The following HMCN2 variants were observed in gnomAD, a reference collection of about 807,000 sequenced individuals.
HMCN2 encodes hemicentin 2, also known as hemicentin-2.
A neutral mutation model predicts 377.5 loss-of-function variants in HMCN2; 325 were observed. The observed-to-expected ratio is 0.86, with a 90% CI of 0.79 to 0.94. The LOEUF (loss-of-function observed/expected upper bound fraction) is 0.94, where lower values mean the gene tolerates loss of function less well. HMCN2 is among the 40% of genes least tolerant of loss of function. The probability of loss-of-function intolerance (pLI) is 0.00; values close to 1 mark genes in which losing one functional copy is unlikely to be tolerated. For synonymous variants in HMCN2, 2,007 were observed against 2,046.8 expected, an observed-to-expected ratio of 0.98 and a Z score of 0.53; for missense variants, 4,543 against 4,725.3, an observed-to-expected ratio of 0.96 and a Z score of 1.13.
At chr9:130,419,933 G>A (rs1843899669) in intron 86 of HMCN2, among the ~76,000 whole-genome samples, 1 of 152,164 alleles carries the variant, frequency 6.6e-6, no homozygotes, top group Non-Finnish European at 1.5e-5. Flanking sequence ...TCTCCCACAG[G>A]CCGGGGCAGG....
intron 4 of HMCN2, among the ~76,000 whole-genome samples, chr9:130,287,589 C>T (rs1835487491): frequency 6.8e-6 from 1 of 147,216 alleles, no homozygotes; most frequent in Non-Finnish European, 1.5e-5. Context: ...GATTAGGTCT[C>T]CTTGTGTGCC....
At chr9:130,364,625 G>C (rs1192338765) in intron 40 of HMCN2, 89 bp from the exon 41 acceptor site, 1 of 656,250 alleles carries the variant, frequency 1.5e-6, no homozygotes, top group Non-Finnish European at 1.9e-6. Context: ...TGGCTGCTGC[G>C]AGTAGCTAGG....
intron 85 of HMCN2, among the ~76,000 whole-genome samples, chr9:130,411,950 TG>T (rs55972322): frequency 0.18 from 21,653 of 120,944 alleles, 1,941 homozygotes; most frequent in East Asian, 0.5. Flanking sequence ...TTTTATGTAA[TG>T]TATTTTTTTT....
chr9:130,433,525 C>T lies in HMCN2; in HGVS notation c.15072C>T (p.Asp5024=), dbSNP rs1261255204. 2 of 1,472,888 alleles carry T rather than the reference C, an allele frequency of 1.4e-6. No individual in the cohort carries two copies. Among genetic ancestry groups the T allele is most frequent in the African/African-American group, 1.5e-5 (1 of 67,526 alleles). The allele number at this position is 1,472,888 out of a possible 1,614,324, so 91.2% of individuals were successfully genotyped here. A position where few individuals can be genotyped will look rare whatever the true frequency, so the allele number is the denominator to read the frequency against. ...CCGAGCTCAGCATGCTGGAGCCCGACCCCCGCAGCCCCTTCGCGCTGCGTC... is the reference window on the plus strand; with the variant it reads ...CCGAGCTCAGCATGCTGGAGCCCGATCCCCGCAGCCCCTTCGCGCTGCGTC... ...NRTELSMLEP[D]PRSPFALRPL... Residue 5024 remains aspartate (D), a synonymous_variant, in exon 98 of 98, where the codon GAC becomes GAT. Coordinates refer to ENST00000683500, the MANE Select transcript of HMCN2 (RefSeq NM_001291815.2).
chr9:130,419,772 C>T (rs2131789891), intron 86 of HMCN2, among the ~76,000 whole-genome samples: 1 of 151,748 alleles, frequency 6.6e-6, no homozygotes, highest in African/African-American at 2.4e-5. Flanking sequence ...TCTATCACCA[C>T]ATGCGTTGGC....
In HMCN2 at chr9:130,422,607, C is replaced by T. The variant is rs1011216246; in HGVS notation, c.13262C>T (p.Thr4421Ile). The T allele has an allele frequency of 1.5e-6, 2 of 1,330,416 alleles. No individual in the cohort carries two copies. Among genetic ancestry groups the T allele is most frequent in the Non-Finnish European group, 1.9e-6 (2 of 1,034,372 alleles). 82.4% of individuals were successfully genotyped at this position (1,330,416 alleles called of 1,614,324 possible). Residue 4421 changes from threonine to isoleucine, a missense_variant, in exon 87 of 98, where the codon ACT (threonine) becomes ATT (isoleucine). Thr to Ile is a moderately conservative substitution (Grantham distance 89). Transcript: ENST00000683500. This position sits in a 1 kb window ranked among gnomAD's most constrained non-coding sequence, Gnocchi z 4.2. ...CCCCAGGGGAGCTGGGGCAGCATGA[C>T]TGGGGTGATAAATGGCCGGAAATTT... ...GEPQGSWGSM[T>I]GVINGRKFGV...
At chr9:130,403,368 G>C in intron 79 of HMCN2, 40 bp downstream of exon 79, 1 of 1,288,194 alleles carries the variant, frequency 7.8e-7, no homozygotes, top group South Asian at 1.2e-5. Context: ...GGGAAGAGAA[G>C]AGCGTGGGTC....
chr9:130,388,400 T>A lies in HMCN2; in HGVS notation c.9392-9T>A, dbSNP rs1717539421. The A allele has an allele frequency of 1.0e-6, 1 of 987,850 alleles. No homozygotes were observed. The highest frequency in any genetic ancestry group is 1.2e-6 in the Non-Finnish European group (1 of 830,084). 61.2% of individuals were successfully genotyped at this position (987,850 alleles called of 1,614,324 possible). ...TCAGAATTCTGACAGTCTGGCTTTC[T>A]TCCTGCAGTGCCCCCAACATTTGAG... On this transcript the variant is annotated splice_polypyrimidine_tract_variant and intron_variant, in intron 61 of 97. Coordinates refer to ENST00000683500, the MANE Select transcript of HMCN2 (RefSeq NM_001291815.2).
rs576103948 is a variant in HMCN2 at position 130,302,859 on chromosome 9, G to A, written c.1279G>A (p.Ala427Thr). The A allele has an allele frequency of 2.6e-5, 12 of 462,504 alleles. No homozygotes were observed. The highest frequency in any genetic ancestry group is 3.6e-5 in the Non-Finnish European group (8 of 222,264). The allele number at this position is 462,504 out of a possible 1,614,324, so 28.7% of individuals were successfully genotyped here. A position where few individuals can be genotyped will look rare whatever the true frequency, so the allele number is the denominator to read the frequency against. ...TGAGTCCTGGTCCCCGCCTACAGGC[G>A]CTCCCCTCGTCAGCATGGCCCCCAG... is the stretch of plus-strand genomic sequence containing the variant. Reference protein sequence around the residue: ...GVSYSGVAPGAPLVSMAPRIH... With the variant: ...GVSYSGVAPGTPLVSMAPRIH... Residue 427 changes from alanine (A) to threonine (T), a missense_variant and splice_region_variant, in exon 9 of 98, where the codon GCT (alanine) becomes ACT (threonine). Ala to Thr is a moderately conservative substitution (Grantham distance 58). Coordinates refer to ENST00000683500, the MANE Select transcript of HMCN2 (RefSeq NM_001291815.2).
chr9:130,372,380 CGGAGGAACTTCAG>C lies in HMCN2; in HGVS notation c.7325_7337del (p.Arg2442LeufsTer18). ...GGCAAGCAACGAGGCTGGGGAGGCA[CGGAGGAACTTCAG>C]TGTGGAGGTGCTGGGTGCGTTACAA... On this transcript the variant is annotated frameshift_variant, in exon 47 of 98. Coordinates refer to ENST00000683500, the MANE Select transcript of HMCN2 (RefSeq NM_001291815.2). LOFTEE classifies it high-confidence loss of function. The C allele has an allele frequency of 1.6e-5, 16 of 985,768 alleles. No individual in the cohort carries two copies. Among genetic ancestry groups the C allele is most frequent in the Non-Finnish European group, 1.9e-5 (16 of 829,910 alleles). The allele number at this position is 985,768 out of a possible 1,614,324, so 61.1% of individuals were successfully genotyped here. A position where few individuals can be genotyped will look rare whatever the true frequency, so the allele number is the denominator to read the frequency against.
chr9:130,283,402 A>C (rs1835242720), intron 1 of HMCN2, among the ~76,000 whole-genome samples: 1 of 140,452 alleles, frequency 7.1e-6, no homozygotes, highest in Admixed American at 7.0e-5. Context: ...TCTTGTCTGT[A>C]CCTCCTCCCA....
At chr9:130,358,181 G>A (rs1840151889) in intron 35 of HMCN2, among the ~76,000 whole-genome samples, 193 bp downstream of exon 35, 1 of 152,210 alleles carries the variant, frequency 6.6e-6, no homozygotes, top group South Asian at 2.1e-4. Context: ...GGGAGAAAAT[G>A]TCAGTGGGGG....
intron 82 of HMCN2, chr9:130,406,666 A>C: frequency 6.1e-6 from 1 of 163,450 alleles, no homozygotes; most frequent in African/African-American, 2.4e-5. Flanking sequence ...CACATTCCTA[A>C]CTCTGAGTCC....
intron 4 of HMCN2, among the ~76,000 whole-genome samples, chr9:130,294,237 C>A (rs1554931114): frequency 6.6e-6 from 1 of 152,136 alleles, no homozygotes; most frequent in East Asian, 1.9e-4. Context: ...AGGGTCCTTA[C>A]CTTTTATCTG....
In HMCN2 at chr9:130,433,564, C is replaced by T. The variant is rs557085537; in HGVS notation, c.15111C>T (p.Gly5037=). 9 of 1,476,830 alleles carry T rather than the reference C, an allele frequency of 6.1e-6. No homozygotes were observed. The highest frequency in any genetic ancestry group is 2.6e-5 in the Admixed American group (1 of 38,636). 91.5% of individuals were successfully genotyped at this position (1,476,830 alleles called of 1,614,324 possible). A position where few individuals can be genotyped will look rare whatever the true frequency, so the allele number is the denominator to read the frequency against. ...SPFALRPLRA[G]LGAVYTRRAL... Reference sequence around the variant, plus strand: ...TCGCGCTGCGTCCGCTGCGCGCGGGCCTTGGCGCGGTCTACACCCGTCGCG... The same window carrying T: ...TCGCGCTGCGTCCGCTGCGCGCGGGTCTTGGCGCGGTCTACACCCGTCGCG... The change falls in exon 98 of 98, where the codon GGC becomes GGT. Residue 5037 remains glycine (G), a synonymous_variant. Coordinates refer to ENST00000683500, the MANE Select transcript of HMCN2 (RefSeq NM_001291815.2).
Position 130,428,496 on chromosome 9 carries a change from G to A in HMCN2, c.14197+7G>A. The stretch of plus-strand genomic sequence containing the variant: ...GATGGGGCCGGCTGTGAAGGTGATG[G>A]GGGCACAGCATGCGGCCTGTCCATA... On this transcript the variant is annotated splice_region_variant and intron_variant, in intron 93 of 97. Coordinates refer to ENST00000683500, the MANE Select transcript of HMCN2 (RefSeq NM_001291815.2). The surrounding 1 kb of genome is among the most constrained non-coding windows in gnomAD (Gnocchi z 5.0). The A allele has an allele frequency of 1.9e-6, 3 of 1,538,900 alleles. No individual in the cohort carries two copies. Among genetic ancestry groups the A allele is most frequent in the South Asian group, 1.2e-5 (1 of 84,042 alleles).
In HMCN2 at chr9:130,428,300, T is replaced by G. The variant is rs758196972; in HGVS notation, c.14066-58T>G. 7 of 1,469,524 alleles carry G rather than the reference T, an allele frequency of 4.8e-6. No homozygotes were observed. Among genetic ancestry groups the G allele is most frequent in the Non-Finnish European group, 6.3e-6 (7 of 1,104,394 alleles). 91.0% of individuals were successfully genotyped at this position (1,469,524 alleles called of 1,614,324 possible). ...GTGGATAGGCCGGGCCAGGGTCAGG[T>G]GGCGAGGCACGCCTGGGGATCATGT... On this transcript the variant is annotated intron_variant, in intron 92 of 97. Coordinates refer to ENST00000683500, the MANE Select transcript of HMCN2 (RefSeq NM_001291815.2). The surrounding 1 kb of genome is among the most constrained non-coding windows in gnomAD (Gnocchi z 5.0).
rs1016158193 is a variant in HMCN2 at position 130,404,913 on chromosome 9, G to A, written c.12193G>A (p.Glu4065Lys). 8 of 1,286,254 alleles carry A rather than the reference G, an allele frequency of 6.2e-6. No homozygotes were observed. The highest frequency in any genetic ancestry group is 5.6e-5 in the East Asian group (1 of 17,846). The allele number at this position is 1,286,254 out of a possible 1,614,324, so 79.7% of individuals were successfully genotyped here. ...TGGCCTCCCAGACCTGTCCACCACC[G>A]AAGGCTCCCACGCCTTCTTGCCTTG... ...ENGLPDLSTT[E>K]GSHAFLPCKA... is the part of the protein sequence containing the mutation. The change falls in exon 81 of 98, where the codon GAA (glutamate) becomes AAA (lysine). Residue 4065 changes from glutamate (E) to lysine (K), a missense_variant. By Grantham distance (56) the Glu-to-Lys change is moderately conservative (BLOSUM62 1). Coordinates refer to ENST00000683500, the MANE Select transcript of HMCN2 (RefSeq NM_001291815.2).
chr9:130,300,248 A>G (rs542279775), intron 8 of HMCN2, among the ~76,000 whole-genome samples: 3 of 152,040 alleles, frequency 2.0e-5, no homozygotes, highest in Non-Finnish European at 2.9e-5. Flanking sequence ...CTATTTATCC[A>G]TCTATCCACC....
Sources: allele counts gnomAD v4.1 joint callset (sites outside exome capture counted in the v4.1 genomes callset), GRCh38; gene constraint gnomAD v4.1.1; non-coding constraint Gnocchi (gnomAD v3.1); transcripts MANE v1.5; gene names NCBI Gene and HGNC (gene_info 2026-07-23, HGNC 2026-07-21).